The following OSBP2 variants were observed in gnomAD, a reference collection of about 807,000 sequenced individuals.
OSBP2 encodes oxysterol-binding protein 2.
In OSBP2, 66 loss-of-function variants were observed where a neutral mutation model predicts 96.0. The observed-to-expected ratio is 0.69, with a 90% CI of 0.56 to 0.84. OSBP2 has a LOEUF of 0.84. Ranked by LOEUF, OSBP2 falls within the 40% of genes least tolerant of loss-of-function variation. OSBP2 has a pLI of 0.00. For synonymous variants in OSBP2, 525 were observed against 520.9 expected (o/e 1.01, Z -0.11); for missense variants, 1,038 against 1,222.7 (o/e 0.85, Z 2.25).
At chr22:30,697,742 C>T (rs902691307) in intron 1 of OSBP2, among the ~76,000 whole-genome samples, 3 of 152,138 alleles carry the variant, frequency 2.0e-5, no homozygotes, top group Admixed American at 2.0e-4. Flanking sequence ...ATTTCCTTTT[C>T]GGACTTTTCG....
At chr22:30,713,079 A>AT (rs136387) in intron 1 of OSBP2, among the ~76,000 whole-genome samples, 20 of 123,412 alleles carry the variant, frequency 1.6e-4, no homozygotes, top group South Asian at 2.8e-4. Context: ...CACTTGGCTA[A>AT]TTTTTTTTTT....
At chr22:30,724,085 C>T (rs932869730) in intron 1 of OSBP2, among the ~76,000 whole-genome samples, 3 of 152,184 alleles carry the variant, frequency 2.0e-5, no homozygotes, top group African/African-American at 7.2e-5. Flanking sequence ...GATCTTTTTA[C>T]CGTCTCCATT....
chr22:30,889,230 A>C lies in OSBP2; in HGVS notation c.1472A>C (p.Asp491Ala). The C allele has an allele frequency of 1.2e-6, 2 of 1,613,116 alleles. No homozygotes were observed. Among genetic ancestry groups the C allele is most frequent in the Non-Finnish European group, 1.7e-6 (2 of 1,179,774 alleles). ...AGTTCCGTGGACTGGAGCTCAGCAG[A>C]CAATGTAAGTGAGGGGGAGCACTGT... ...GTSSVDWSSA[D>A]NVLDGASLVP... The change falls in exon 6 of 14, where the codon GAC becomes GCC. Residue 491 changes from aspartate to alanine, a missense_variant. Transcript: ENST00000332585.
At chr22:30,863,077 C>A (rs2039255288) in intron 2 of OSBP2, among the ~76,000 whole-genome samples, 1 of 152,138 alleles carries the variant, frequency 6.6e-6, no homozygotes, top group Non-Finnish European at 1.5e-5. Flanking sequence ...TTGCAGAATA[C>A]CATGTAACAT....
At chr22:30,706,425 C>G (rs1307457661) in intron 1 of OSBP2, among the ~76,000 whole-genome samples, 1 of 152,032 alleles carries the variant, frequency 6.6e-6, no homozygotes, top group Non-Finnish European at 1.5e-5. Context: ...AGCCACAGCT[C>G]TACATTTAAT....
intron 3 of OSBP2, among the ~76,000 whole-genome samples, chr22:30,880,056 A>C (rs565880306): frequency 6.6e-6 from 1 of 152,078 alleles, no homozygotes; most frequent in East Asian, 1.9e-4. Context: ...TCTCAAAAAA[A>C]AAAATAGGTG....
chr22:30,797,329 C>A (rs1340063798), intron 2 of OSBP2, among the ~76,000 whole-genome samples: 1 of 152,196 alleles, frequency 6.6e-6, no homozygotes, highest in Non-Finnish European at 1.5e-5. Context: ...GTCACCCAGG[C>A]TGGAGTGCAG....
chr22:30,695,190 C>A lies in OSBP2; in HGVS notation c.281C>A (p.Ala94Asp). The change falls in exon 1 of 14, where the codon GCT (alanine) becomes GAT (aspartate). Residue 94 changes from alanine (A) to aspartate (D), a missense_variant. This residue lies in a region of OSBP2 where 281 missense variants were observed against 273.4 expected (regional missense o/e 1.03). Coordinates refer to ENST00000332585, the MANE Select transcript of OSBP2 (RefSeq NM_030758.4). ...ACGACGTCTGAGCCGGAGCCAGGGG[C>A]TGGGCAGCCATCGGAACTGCTGCAG... is the stretch of plus-strand genomic sequence containing the variant. Reference protein sequence around the residue: ...SETTSEPEPGAGQPSELLQGS... With the variant: ...SETTSEPEPGDGQPSELLQGS... The A allele has an allele frequency of 6.2e-7, 1 of 1,612,564 alleles. No individual in the cohort carries two copies. The highest frequency in any genetic ancestry group is 8.5e-7 in the Non-Finnish European group (1 of 1,179,158).
At chr22:30,882,625 A>G (rs1316680542) in intron 3 of OSBP2, among the ~76,000 whole-genome samples, 1 of 152,154 alleles carries the variant, frequency 6.6e-6, no homozygotes, top group African/African-American at 2.4e-5. Flanking sequence ...GAGGGTTTGA[A>G]TTTGAGCCAG....
Position 30,870,460 on chromosome 22 carries a change from C to A in OSBP2, c.885C>A (p.Thr295=). 1 of 1,614,034 alleles carries A rather than the reference C, an allele frequency of 6.2e-7. No homozygotes were observed. ...CTGGGGACGACGACGAGGCTACCAC[C>A]CCAGCCGACAAGAGCGAGCTGCACC... The part of the protein sequence containing the change: ...DDSGDDDEAT[T]PADKSELHHT... Residue 295 remains threonine, a synonymous_variant, in exon 3 of 14, where the codon ACC becomes ACA. Coordinates refer to ENST00000332585, the MANE Select transcript of OSBP2 (RefSeq NM_030758.4). This position sits in a 1 kb window ranked among gnomAD's most constrained non-coding sequence, Gnocchi z 4.1.
At chr22:30,815,936 T>A (rs1265914758) in intron 2 of OSBP2, among the ~76,000 whole-genome samples, 1 of 152,172 alleles carries the variant, frequency 6.6e-6, no homozygotes, top group African/African-American at 2.4e-5. Context: ...TTTGCTTCTC[T>A]CGAATTATTT....
intron 2 of OSBP2, among the ~76,000 whole-genome samples, chr22:30,805,370 G>A (rs1444987216): frequency 6.6e-6 from 1 of 152,242 alleles, no homozygotes; most frequent in Non-Finnish European, 1.5e-5. Flanking sequence ...ATAGTTAAAT[G>A]TGAGGGATGG....
At chr22:30,868,226 CAG>C (rs1430365679) in intron 2 of OSBP2, among the ~76,000 whole-genome samples, 1 of 152,254 alleles carries the variant, frequency 6.6e-6, no homozygotes. Flanking sequence ...TGTGAGCAGA[CAG>C]AGCTGGACTC....
chr22:30,853,933 G>T (rs1342022827), intron 2 of OSBP2, among the ~76,000 whole-genome samples: 5 of 151,566 alleles, frequency 3.3e-5, no homozygotes, highest in Admixed American at 3.3e-4. Context: ...CTAATTTTTT[G>T]TATCTTTAGT....
Position 30,695,146 on chromosome 22 carries a change from AT to A in OSBP2, c.238del (p.Ser80ArgfsTer35). On this transcript the variant is annotated frameshift_variant, in exon 1 of 14. Transcript: ENST00000332585. LOFTEE classifies it high-confidence loss of function. ...AGGCAGTTTCGGAGGCAGTGCCAAG[AT>A]CGGAACCTGTGTCCGAGACGACGTC... is the stretch of plus-strand genomic sequence containing the variant. ...SEAVSEAVPR[S>X]EPVSETTSEP... The A allele has an allele frequency of 1.9e-6, 3 of 1,608,042 alleles. No individual in the cohort carries two copies. Among genetic ancestry groups the A allele is most frequent in the Non-Finnish European group, 2.5e-6 (3 of 1,176,608 alleles).
intron 2 of OSBP2, chr22:30,822,841 G>C: frequency 2.8e-6 from 2 of 719,904 alleles, no homozygotes; most frequent in Non-Finnish European, 4.2e-6. Flanking sequence ...GGGGAGCGCG[G>C]GGAGCCTCGG....
chr22:30,807,314 C>T (rs1375996886), intron 2 of OSBP2, among the ~76,000 whole-genome samples: 2 of 152,202 alleles, frequency 1.3e-5, no homozygotes, highest in South Asian at 2.1e-4. Flanking sequence ...TGAATTCTGT[C>T]GCTTCCCTCA....
chr22:30,780,817 T>C (rs1366443562), intron 2 of OSBP2, among the ~76,000 whole-genome samples: 2 of 152,044 alleles, frequency 1.3e-5, no homozygotes, highest in Non-Finnish European at 2.9e-5. Context: ...ACTGTTTAAA[T>C]TGAACTCCTT....
chr22:30,770,291 G>T (rs768047107), intron 2 of OSBP2, among the ~76,000 whole-genome samples: 1 of 151,794 alleles, frequency 6.6e-6, no homozygotes, highest in Non-Finnish European at 1.5e-5. Flanking sequence ...GTAGAGACAG[G>T]GTTCACCATG....
Sources: gnomAD v4.1 joint callset for allele counts (sites outside exome capture counted in the v4.1 genomes callset) on GRCh38, gnomAD v4.1.1 for gene constraint, gnomAD v4.1.1 regional missense constraint, Gnocchi (gnomAD v3.1) non-coding constraint, MANE v1.5 for transcripts, NCBI Gene and HGNC (gene_info 2026-07-23, HGNC 2026-07-21) for gene names.